The following MYRIP variants were observed in gnomAD, a reference collection of about 807,000 sequenced individuals.
MYRIP encodes myosin VIIA and Rab interacting protein, also known as rab effector MyRIP.
MYRIP carries 49 observed loss-of-function variants against 98.0 expected under a neutral mutation model. That is an observed-to-expected ratio of 0.50 (90% CI 0.40 to 0.63). The LOEUF (loss-of-function observed/expected upper bound fraction) is 0.63. Among genes scored for constraint, MYRIP ranks in the 30% least tolerant of loss-of-function variants. The pLI is 0.00. For missense variants in MYRIP, 1,004 were observed against 1,058.2 expected (o/e 0.95, Z 0.71); for synonymous variants, 404 against 409.5 (o/e 0.99, Z 0.16).
At chr3:40,136,918 A>G (rs1481656403) in intron 3 of MYRIP, among the ~76,000 whole-genome samples, 1 of 152,256 alleles carries the variant, frequency 6.6e-6, no homozygotes, top group Non-Finnish European at 1.5e-5. Context: ...CTAAATGCCC[A>G]CAAGAGAAAG....
intron 2 of MYRIP, among the ~76,000 whole-genome samples, chr3:39,990,322 C>T (rs969662793): frequency 7.2e-5 from 11 of 152,144 alleles, no homozygotes; most frequent in South Asian, 2.1e-4. Flanking sequence ...TAGTCATTTC[C>T]GATGTTGGAA....
chr3:40,194,921 C>T (rs1248529251), intron 10 of MYRIP, among the ~76,000 whole-genome samples: 1 of 152,144 alleles, frequency 6.6e-6, no homozygotes, highest in African/African-American at 2.4e-5. Flanking sequence ...CTAATGGATT[C>T]TCTTCTCAGT....
At chr3:39,924,604 A>G (rs916513962) in intron 2 of MYRIP, among the ~76,000 whole-genome samples, 1 of 152,148 alleles carries the variant, frequency 6.6e-6, no homozygotes, top group African/African-American at 2.4e-5. Context: ...GGATGTAGAA[A>G]AAATCAACAC....
At chr3:40,020,811 C>T (rs528879139) in intron 2 of MYRIP, among the ~76,000 whole-genome samples, 1 of 152,188 alleles carries the variant, frequency 6.6e-6, no homozygotes, top group East Asian at 1.9e-4. Context: ...GGCAGTGTAC[C>T]TCTCCAACAC....
intron 13 of MYRIP, among the ~76,000 whole-genome samples, chr3:40,245,906 C>G (rs1358267369): frequency 7.3e-6 from 1 of 137,726 alleles, no homozygotes; most frequent in Admixed American, 7.3e-5. Flanking sequence ...GCCACCACAC[C>G]CAGCTAATTT....
intron 3 of MYRIP, among the ~76,000 whole-genome samples, chr3:40,125,910 G>A (rs1261407479): frequency 6.6e-6 from 1 of 152,144 alleles, no homozygotes; most frequent in East Asian, 1.9e-4. Context: ...CAAATTCCCA[G>A]TGACATACTC....
intron 2 of MYRIP, among the ~76,000 whole-genome samples, chr3:39,994,986 T>C (rs921111435): frequency 6.6e-6 from 1 of 152,030 alleles, no homozygotes; most frequent in Non-Finnish European, 1.5e-5. Context: ...TCCTGACTGT[T>C]AGAAGGAAAA....
At position 40,158,839 on chromosome 3, in the gene MYRIP, C is replaced by T. The variant is rs192183888; in HGVS notation, c.470-3891C>T. Among the ~76,000 whole-genome samples the T allele has an allele frequency of 1.4e-5, 2 of 148,142 alleles. 1 individual carries two copies. The highest frequency in any genetic ancestry group is 5.2e-5 in the African/African-American group (2 of 38,108). On this transcript the variant is annotated intron_variant, in intron 4 of 16. Coordinates refer to ENST00000302541, the MANE Select transcript of MYRIP (RefSeq NM_015460.4). ...GCAACCCCTGCCTTATTTTGTTTTC[C>T]ATTTGCTTGGTAGATCTTCCTCCAT...
At chr3:40,201,821 C>T (rs1372814055) in intron 10 of MYRIP, among the ~76,000 whole-genome samples, 2 of 152,144 alleles carry the variant, frequency 1.3e-5, no homozygotes, top group African/African-American at 4.8e-5. Context: ...ATGCCTTATT[C>T]ACAGCATGTG....
At chr3:39,955,064 G>T (rs1393651458) in intron 2 of MYRIP, among the ~76,000 whole-genome samples, 2 of 152,188 alleles carry the variant, frequency 1.3e-5, no homozygotes, top group Admixed American at 1.3e-4. Context: ...GTACCTGAAA[G>T]TGACGGGGAG....
chr3:40,128,133 C>G (rs1347366703), intron 3 of MYRIP, among the ~76,000 whole-genome samples: 1 of 152,276 alleles, frequency 6.6e-6, no homozygotes, highest in Admixed American at 6.5e-5. Flanking sequence ...AGGGAAGGCA[C>G]CCGGTTCAAG....
chr3:39,860,800 A>G (rs1942446662), intron 1 of MYRIP, among the ~76,000 whole-genome samples: 1 of 152,206 alleles, frequency 6.6e-6, no homozygotes, highest in Admixed American at 6.5e-5. Context: ...GTATGCACAC[A>G]TGGGTTGACC....
chr3:40,206,565 C>A (rs1432675199), intron 10 of MYRIP, among the ~76,000 whole-genome samples: 1 of 152,150 alleles, frequency 6.6e-6, no homozygotes, highest in Non-Finnish European at 1.5e-5. Context: ...CTGACAATAT[C>A]CACCTCAACC....
intron 11 of MYRIP, among the ~76,000 whole-genome samples, chr3:40,227,887 T>C (rs1213046303): frequency 1.3e-5 from 2 of 152,242 alleles, no homozygotes; most frequent in Non-Finnish European, 2.9e-5. Context: ...GATGATGTTA[T>C]ATCCATTTTA....
intron 2 of MYRIP, among the ~76,000 whole-genome samples, chr3:39,916,190 C>T (rs909327596): frequency 2.6e-5 from 4 of 151,922 alleles, no homozygotes; most frequent in African/African-American, 4.8e-5. Context: ...ATTAATGAAA[C>T]CTTACAAAAT....
chr3:40,042,582 A>ATAG (rs1444809357), intron 2 of MYRIP, among the ~76,000 whole-genome samples: 1 of 135,854 alleles, frequency 7.4e-6, no homozygotes, highest in African/African-American at 2.5e-5. Context: ...AAAAATAGTA[A>ATAG]TAGTAGTAAA....
chr3:40,244,155 T>C (rs1236191078), intron 12 of MYRIP, among the ~76,000 whole-genome samples: 5 of 152,220 alleles, frequency 3.3e-5, no homozygotes, highest in Non-Finnish European at 5.9e-5. Context: ...CAATACACAA[T>C]TCGCATAGCT....
intron 1 of MYRIP, among the ~76,000 whole-genome samples, chr3:39,848,210 A>G (rs1336911712): frequency 6.6e-6 from 1 of 152,164 alleles, no homozygotes; most frequent in Admixed American, 6.5e-5. Context: ...ACTCAGCATC[A>G]TTTAAATGTT....
At chr3:40,190,836 C>G (rs1951189185) in intron 10 of MYRIP, among the ~76,000 whole-genome samples, 1 of 152,302 alleles carries the variant, frequency 6.6e-6, no homozygotes, top group Non-Finnish European at 1.5e-5. Context: ...TTGAGGGCCA[C>G]TGGCCTTGGG....
Sources: allele counts gnomAD v4.1 joint callset (sites outside exome capture counted in the v4.1 genomes callset), GRCh38; gene constraint gnomAD v4.1.1; transcripts MANE v1.5; gene names NCBI Gene and HGNC (gene_info 2026-07-23, HGNC 2026-07-21).